Variants in GRIK2 observed in about 807,000 individuals in gnomAD.
GRIK2 encodes the protein glutamate receptor ionotropic, kainate 2.
GRIK2 carries 32 observed loss-of-function variants against 100.3 expected under a neutral mutation model. The observed-to-expected ratio is 0.32, with a 90% CI of 0.24 to 0.43. GRIK2 has a LOEUF of 0.43. Ranked by LOEUF, GRIK2 falls within the 20% of genes least tolerant of loss-of-function variation. The probability of loss-of-function intolerance (pLI) is 1.00; values close to 1 mark genes in which losing one functional copy is unlikely to be tolerated. For missense variants in GRIK2, 843 were observed against 1,114.9 expected (o/e 0.76, Z 3.47); for synonymous variants, 417 against 389.4 (o/e 1.07, Z -0.83).
chr6:101,874,081 G>T (rs1273264842), intron 11 of GRIK2, among the ~76,000 whole-genome samples: 1 of 152,130 alleles, frequency 6.6e-6, no homozygotes, highest in African/African-American at 2.4e-5. Flanking sequence ...CTTTTGCTGT[G>T]CAGAAGCTCT....
chr6:102,035,195 A>G (rs753754580), intron 14 of GRIK2, 146 bp from the exon 15 acceptor site: 2 of 157,108 alleles, frequency 1.3e-5, no homozygotes, highest in African/African-American at 2.5e-5. Flanking sequence ...CTTTTTTGGT[A>G]TATATATATA....
intron 2 of GRIK2, among the ~76,000 whole-genome samples, chr6:101,471,858 T>A (rs1771963957): frequency 6.6e-6 from 1 of 151,936 alleles, no homozygotes; most frequent in African/African-American, 2.4e-5. Flanking sequence ...CATTAATAGC[T>A]CAAGTTTAGT....
intron 16 of GRIK2, among the ~76,000 whole-genome samples, chr6:102,056,091 C>T (rs1771450086): frequency 1.3e-5 from 2 of 151,900 alleles, no homozygotes; most frequent in Non-Finnish European, 2.9e-5. Flanking sequence ...GGAGAAATTA[C>T]AGTTAATTTT....
At chr6:102,048,589 T>C (rs1367821862) in intron 15 of GRIK2, among the ~76,000 whole-genome samples, 1 of 152,056 alleles carries the variant, frequency 6.6e-6, no homozygotes, top group Non-Finnish European at 1.5e-5. Flanking sequence ...CTAACAGATA[T>C]ATGAAAAATA....
intron 2 of GRIK2, among the ~76,000 whole-genome samples, chr6:101,420,909 C>A (rs1275300051): frequency 6.6e-6 from 1 of 152,186 alleles, no homozygotes; most frequent in Non-Finnish European, 1.5e-5. Context: ...CATTTCATCA[C>A]AGAGATGGAT....
At chr6:101,446,825 A>G (rs1770406081) in intron 2 of GRIK2, among the ~76,000 whole-genome samples, 1 of 151,020 alleles carries the variant, frequency 6.6e-6, no homozygotes, top group Non-Finnish European at 1.5e-5. Context: ...TTGTGAGAGA[A>G]TTTATGGAAA....
chr6:102,004,319 C>T lies in GRIK2; in HGVS notation c.2086-31022C>T, dbSNP rs192619211. Among the ~76,000 whole-genome samples the T allele has an allele frequency of 3.4e-3, 500 of 145,552 alleles. 5 individuals are homozygous for T. The highest frequency in any genetic ancestry group is 0.011 in the African/African-American group (448 of 39,638). On this transcript the variant is annotated intron_variant, in intron 14 of 16. Coordinates refer to ENST00000369134, the MANE Select transcript of GRIK2 (RefSeq NM_021956.5). ...TTTTTTTTTTGGAACCATTATCTAC[C>T]TCAGATCATAATAACAAACTGAGGG... is the stretch of plus-strand genomic sequence containing the variant.
At chr6:101,638,049 C>G (rs1171881065) in intron 4 of GRIK2, among the ~76,000 whole-genome samples, 3 of 151,752 alleles carry the variant, frequency 2.0e-5, no homozygotes, top group Non-Finnish European at 4.4e-5. Context: ...AATAGTTCAT[C>G]TTCATTTCTG....
chr6:101,859,440 CA>C lies in GRIK2; in HGVS notation c.1472del (p.Gln491ArgfsTer15). On this transcript the variant is annotated frameshift_variant, in exon 11 of 17. Transcript: ENST00000369134. LOFTEE classifies it high-confidence loss of function. ...TGTGGAAGATGGGAAATATGGAGCC[CA>C]GGATGATGCCAATGGACAATGGAAT... ...RLVEDGKYGA[Q>X]DDANGQWNGM... The C allele has an allele frequency of 6.2e-7, 1 of 1,610,138 alleles. No individual in the cohort carries two copies.
chr6:101,535,705 A>G (rs915531344), intron 2 of GRIK2, among the ~76,000 whole-genome samples: 6 of 151,788 alleles, frequency 4.0e-5, no homozygotes, highest in Admixed American at 6.6e-5. Context: ...TTATAATTAT[A>G]TATGATATGG....
chr6:101,794,094 T>G (rs529629704), intron 7 of GRIK2, among the ~76,000 whole-genome samples: 55 of 152,196 alleles, frequency 3.6e-4, no homozygotes, highest in Middle Eastern at 3.4e-3. Context: ...AGTGACCTGG[T>G]TTTCCAGGTG....
intron 2 of GRIK2, among the ~76,000 whole-genome samples, chr6:101,449,113 T>G (rs1770531557): frequency 6.6e-6 from 1 of 151,610 alleles, no homozygotes; most frequent in Non-Finnish European, 1.5e-5. Context: ...GAGAAATAAT[T>G]CACATATCAA....
At chr6:101,418,569 GAC>G (rs1363581047) in intron 2 of GRIK2, among the ~76,000 whole-genome samples, 1 of 152,170 alleles carries the variant, frequency 6.6e-6, no homozygotes, top group Non-Finnish European at 1.5e-5. Flanking sequence ...GGTCACAAAA[GAC>G]ATCTGTCCAC....
chr6:101,469,675 C>T lies in GRIK2; in HGVS notation c.115+70283C>T, dbSNP rs759372302. Among the ~76,000 whole-genome samples the T allele has an allele frequency of 6.8e-4, 103 of 152,192 alleles. 1 individual carries two copies. The highest frequency in any genetic ancestry group is 1.2e-3 in the Non-Finnish European group (85 of 68,002). On this transcript the variant is annotated intron_variant, in intron 2 of 16. Transcript: ENST00000369134. Reference sequence around the variant, plus strand: ...GCTGTATTGAGTATTCCCTTTTCTTCGTTTAATAATATCCTGAACAGATTC... The same window carrying T: ...GCTGTATTGAGTATTCCCTTTTCTTTGTTTAATAATATCCTGAACAGATTC...
At chr6:101,485,850 A>G (rs1772791743) in intron 2 of GRIK2, among the ~76,000 whole-genome samples, 1 of 151,964 alleles carries the variant, frequency 6.6e-6, no homozygotes, top group Non-Finnish European at 1.5e-5. Context: ...TTATATTTTC[A>G]ATTTATGCTG....
At chr6:101,575,762 C>T (rs1447422738) in intron 2 of GRIK2, among the ~76,000 whole-genome samples, 6 of 152,010 alleles carry the variant, frequency 3.9e-5, no homozygotes, top group Non-Finnish European at 8.8e-5. Context: ...CTGAGCTTTG[C>T]GGCTGGTCTA....
chr6:101,476,399 C>T (rs1268718374), intron 2 of GRIK2, among the ~76,000 whole-genome samples: 1 of 152,012 alleles, frequency 6.6e-6, no homozygotes, highest in Non-Finnish European at 1.5e-5. Context: ...GATAAGAAGC[C>T]AGCTCTTTAA....
At chr6:101,758,189 C>G (rs1485745472) in intron 7 of GRIK2, among the ~76,000 whole-genome samples, 1 of 152,052 alleles carries the variant, frequency 6.6e-6, no homozygotes, top group Non-Finnish European at 1.5e-5. Flanking sequence ...TACCACTGCA[C>G]TCTAGCCTGG....
chr6:101,862,569 C>T (rs893864979), intron 11 of GRIK2, among the ~76,000 whole-genome samples: 1 of 151,114 alleles, frequency 6.6e-6, no homozygotes, highest in African/African-American at 2.5e-5. Context: ...GACATGCTAA[C>T]ATCCCTAGCT....
Sources: allele counts gnomAD v4.1 joint callset (sites outside exome capture counted in the v4.1 genomes callset), GRCh38; gene constraint gnomAD v4.1.1; transcripts MANE v1.5; gene names NCBI Gene and HGNC (gene_info 2026-07-23, HGNC 2026-07-21).